ZBTB20: variants seen among roughly 807,000 people sequenced by gnomAD.
ZBTB20 encodes zinc finger and BTB domain-containing protein 20.
In ZBTB20, 9 loss-of-function variants were observed where a neutral mutation model predicts 56.9. That is an observed-to-expected ratio of 0.16 (90% CI 0.10 to 0.28). The LOEUF (loss-of-function observed/expected upper bound fraction) is 0.28, where lower values mean the gene tolerates loss of function less well. Among genes scored for constraint, ZBTB20 ranks in the 10% least tolerant of loss-of-function variants. The pLI, the probability that ZBTB20 is intolerant of heterozygous loss-of-function variation, is 1.00. For missense variants in ZBTB20, 655 were observed against 1,003.0 expected (o/e 0.65, Z 4.69); for synonymous variants, 417 against 420.7 (o/e 0.99, Z 0.11).
intron 6 of ZBTB20, among the ~76,000 whole-genome samples, chr3:114,675,662 G>A (rs1436394652): frequency 1.3e-5 from 2 of 152,024 alleles, no homozygotes; most frequent in Non-Finnish European, 2.9e-5. Flanking sequence ...AATATACAAT[G>A]GAATGCTCTG....
chr3:114,753,320 TATACCTGTATATATAATGTATATATG>T (rs2067714298), intron 5 of ZBTB20, among the ~76,000 whole-genome samples: 1 of 140,206 alleles, frequency 7.1e-6, no homozygotes, highest in African/African-American at 2.7e-5. Flanking sequence ...TGTATATATG[TATACCTGTATATATAATGTATATATG>T]TATACATTAT....
chr3:114,379,929 G>A (rs1475313975), intron 10 of ZBTB20, among the ~76,000 whole-genome samples: 5 of 152,124 alleles, frequency 3.3e-5, no homozygotes, highest in Admixed American at 2.6e-4. Flanking sequence ...AGAATAAATG[G>A]ATACCAGCAA....
chr3:114,421,458 T>G (rs1476822008), intron 7 of ZBTB20, among the ~76,000 whole-genome samples: 1 of 152,182 alleles, frequency 6.6e-6, no homozygotes, highest in Non-Finnish European at 1.5e-5. Flanking sequence ...ACAGCTTCAC[T>G]GCAGACGGCA....
intron 3 of ZBTB20, among the ~76,000 whole-genome samples, chr3:114,964,322 T>G (rs564423572): frequency 3.3e-5 from 5 of 152,020 alleles, no homozygotes; most frequent in Admixed American, 3.3e-4. Flanking sequence ...ACCTGAGGCA[T>G]GAGAAATGCT....
chr3:114,878,987 C>T (rs2076299129), intron 4 of ZBTB20, among the ~76,000 whole-genome samples: 1 of 152,266 alleles, frequency 6.6e-6, no homozygotes. Context: ...CGAATTGGCA[C>T]CAAAGCCTCG....
chr3:114,674,851 T>C (rs533113246), intron 6 of ZBTB20, among the ~76,000 whole-genome samples: 1 of 151,892 alleles, frequency 6.6e-6, no homozygotes, highest in East Asian at 1.9e-4. Context: ...AATATATACA[T>C]ACATAAACAC....
intron 6 of ZBTB20, chr3:114,688,326 G>C (rs1177280096): frequency 1.3e-5 from 2 of 149,530 alleles, no homozygotes; most frequent in African/African-American, 4.9e-5. Context: ...CCAAACCTCA[G>C]CATCACACAA....
intron 8 of ZBTB20, chr3:114,387,127 G>A (rs2085237502): frequency 6.7e-6 from 1 of 148,358 alleles, no homozygotes; most frequent in South Asian, 2.2e-4. Context: ...AAGTAGGCAG[G>A]GCCACTGAGC....
intron 4 of ZBTB20, among the ~76,000 whole-genome samples, chr3:114,866,715 C>CTT (rs951609363): frequency 4.6e-5 from 7 of 151,446 alleles, no homozygotes. Flanking sequence ...TGGAACATTC[C>CTT]TTTTTTTTTC....
chr3:114,986,716 T>C (rs2078561212), intron 2 of ZBTB20, among the ~76,000 whole-genome samples: 2 of 152,146 alleles, frequency 1.3e-5, no homozygotes, highest in Admixed American at 1.3e-4. Flanking sequence ...TTTCAAAAGG[T>C]ATTTTAAACG....
chr3:114,606,442 A>G (rs1176866169), intron 6 of ZBTB20, among the ~76,000 whole-genome samples: 2 of 152,090 alleles, frequency 1.3e-5, no homozygotes, highest in Admixed American at 6.6e-5. Context: ...ACAAATGTCA[A>G]CTTCCTTAAG....
chr3:115,049,008 G>A (rs190572951), intron 2 of ZBTB20, among the ~76,000 whole-genome samples: 117 of 152,006 alleles, frequency 7.7e-4, no homozygotes, highest in African/African-American at 2.5e-3. Flanking sequence ...ACCCATGAAC[G>A]GGTCATATAC....
chr3:114,564,351 G>A (rs1310450077), intron 6 of ZBTB20, among the ~76,000 whole-genome samples: 2 of 152,050 alleles, frequency 1.3e-5, no homozygotes, highest in Non-Finnish European at 2.9e-5. Context: ...ATCTTCGGTG[G>A]GGTGGGGAGG....
intron 5 of ZBTB20, among the ~76,000 whole-genome samples, chr3:114,788,477 T>C (rs951260891): frequency 6.6e-6 from 1 of 152,208 alleles, no homozygotes; most frequent in East Asian, 1.9e-4. Context: ...CTATAGCATA[T>C]GTCAGAATTT....
At chr3:114,483,766 A>G (rs2041813021) in intron 7 of ZBTB20, among the ~76,000 whole-genome samples, 1 of 152,096 alleles carries the variant, frequency 6.6e-6, no homozygotes, top group Non-Finnish European at 1.5e-5. Context: ...CTTTTAAGAG[A>G]ATTTTAAGTT....
chr3:115,086,173 C>T (rs944148744), intron 1 of ZBTB20, among the ~76,000 whole-genome samples: 5 of 151,764 alleles, frequency 3.3e-5, no homozygotes, highest in East Asian at 1.9e-4. Flanking sequence ...TATTTGTCCC[C>T]GGGATTACCT....
chr3:114,726,720 G>C (rs546529012), intron 5 of ZBTB20, among the ~76,000 whole-genome samples: 1 of 151,350 alleles, frequency 6.6e-6, no homozygotes, highest in Admixed American at 6.6e-5. Context: ...TGATCATCCT[G>C]GCTAACATGG....
At chr3:114,848,741 C>T (rs1004239200) in intron 4 of ZBTB20, among the ~76,000 whole-genome samples, 1 of 152,194 alleles carries the variant, frequency 6.6e-6, no homozygotes, top group Non-Finnish European at 1.5e-5. Flanking sequence ...CTTATGCTGT[C>T]CTGCACGCTT....
At chr3:114,977,591 T>C (rs1340883878) in intron 2 of ZBTB20, among the ~76,000 whole-genome samples, 1 of 152,126 alleles carries the variant, frequency 6.6e-6, no homozygotes, top group African/African-American at 2.4e-5. Context: ...ACTGATTACC[T>C]GTGGCAAAAT....
Sources: gnomAD v4.1 joint callset for allele counts (sites outside exome capture counted in the v4.1 genomes callset) on GRCh38, gnomAD v4.1.1 for gene constraint, MANE v1.5 for transcripts, NCBI Gene and HGNC (gene_info 2026-07-23, HGNC 2026-07-21) for gene names.